Variants in ETFBKMT observed in about 807,000 individuals in gnomAD.
The protein encoded by ETFBKMT is electron transfer flavoprotein beta subunit lysine methyltransferase.
Under a neutral mutation model 18.3 loss-of-function variants are expected in ETFBKMT, and 13 were observed. That is an observed-to-expected ratio of 0.71 (90% CI 0.46 to 1.13). The LOEUF is 1.13. Ranked by LOEUF, ETFBKMT falls within the 50% of genes most tolerant of loss-of-function variation. The pLI is 0.00. For missense variants in ETFBKMT, 293 were observed against 306.2 expected (o/e 0.96, Z 0.32); for synonymous variants, 84 against 107.9 (o/e 0.78, Z 1.37).
At chr12:31,652,865 T>C (rs768006731) in intron 1 of ETFBKMT, among the ~76,000 whole-genome samples, 15 of 152,250 alleles carry the variant, frequency 9.9e-5, no homozygotes, top group Non-Finnish European at 1.5e-4. Context: ...GCTTTAAGCC[T>C]GAACTATTTA....
chr12:31,663,998 C>T (rs1009790852), intron 2 of ETFBKMT, among the ~76,000 whole-genome samples: 3 of 151,520 alleles, frequency 2.0e-5, no homozygotes, highest in African/African-American at 4.9e-5. Context: ...TGCTTACTCC[C>T]GTATCTCTTA....
Position 31,662,028 on chromosome 12 carries a change from T to C in ETFBKMT, c.75T>C (p.Gly25=). The C allele has an allele frequency of 6.2e-7, 1 of 1,614,212 alleles. No homozygotes were observed. The highest frequency in any genetic ancestry group is 8.5e-7 in the Non-Finnish European group (1 of 1,180,016). Reference sequence around the variant, plus strand: ...TCTTGCAGGCTCTGCGAAGCAGTGGTCTTCTCTTGTTTCCCTGTGGCCAGT... The same window carrying C: ...TCTTGCAGGCTCTGCGAAGCAGTGGCCTTCTCTTGTTTCCCTGTGGCCAGT... ...GLLLQALRSS[G]LLLFPCGQCP... The change falls in exon 2 of 4, where the codon GGT becomes GGC. Residue 25 remains glycine, a synonymous_variant. Coordinates refer to ENST00000357721, the MANE Select transcript of ETFBKMT (RefSeq NM_001135863.2).
In ETFBKMT at chr12:31,670,108, TC is replaced by T. The variant is rs1424060296; in HGVS notation, c.*2122del. On this transcript the variant is annotated 3_prime_UTR_variant, in exon 4 of 4. Transcript: ENST00000357721. The stretch of plus-strand genomic sequence containing the variant: ...CTCAGGTGATCCACCTGCCTCAGCC[TC>T]CCCAAGTGCTGGGATTACACGTGTG... The T allele has an allele frequency of 6.6e-6, 1 of 152,266 alleles. No individual in the cohort carries two copies. Among genetic ancestry groups the T allele is most frequent in the East Asian group, 1.9e-4 (1 of 5,200 alleles). 9.4% of individuals were successfully genotyped at this position (152,266 alleles called of 1,614,324 possible).
intron 2 of ETFBKMT, among the ~76,000 whole-genome samples, chr12:31,665,275 A>G (rs1318330396): frequency 6.6e-6 from 1 of 152,100 alleles, no homozygotes; most frequent in Non-Finnish European, 1.5e-5. Context: ...GAATAGCATA[A>G]TCAGTCAGTT....
chr12:31,664,803 C>T (rs776546783), intron 2 of ETFBKMT, among the ~76,000 whole-genome samples: 12 of 150,318 alleles, frequency 8.0e-5, no homozygotes, highest in East Asian at 4.0e-4. Context: ...TTAGTAGAGA[C>T]GGGGTTTCAC....
chr12:31,653,843 G>T (rs1951037507), intron 1 of ETFBKMT, among the ~76,000 whole-genome samples: 1 of 152,134 alleles, frequency 6.6e-6, no homozygotes, highest in Non-Finnish European at 1.5e-5. Context: ...AGCTATTGGG[G>T]AGGCTGAGGT....
At chr12:31,660,402 T>G (rs1951108224) in intron 1 of ETFBKMT, among the ~76,000 whole-genome samples, 1 of 152,154 alleles carries the variant, frequency 6.6e-6, no homozygotes, top group Non-Finnish European at 1.5e-5. Context: ...AATACTTTAG[T>G]GGATTTAAGA....
At chr12:31,649,478 T>C (rs1205337212) in intron 1 of ETFBKMT, among the ~76,000 whole-genome samples, 2 of 152,236 alleles carry the variant, frequency 1.3e-5, no homozygotes, top group Non-Finnish European at 2.9e-5. Context: ...AATTGAACGT[T>C]TGTGGTACCC....
At chr12:31,654,731 C>T (rs144007575), upstream of ETFBKMT, among the ~76,000 whole-genome samples, 33 of 152,156 alleles carry the variant, frequency 2.2e-4, no homozygotes, top group Non-Finnish European at 4.1e-4. Flanking sequence ...TAATCTGTAG[C>T]GACAGAAAGC....
Position 31,672,083 on chromosome 12 carries a change from A to ATTTTTGTATAT in ETFBKMT, c.*4094_*4095insTTTTGTATATT, listed in dbSNP as rs1157035163. On this transcript the variant is annotated 3_prime_UTR_variant, in exon 4 of 4. Coordinates refer to ENST00000357721, the MANE Select transcript of ETFBKMT (RefSeq NM_001135863.2). ...ATTATCATTTCAAAAATAATGACTC[A>ATTTTTGTATAT]TCCAACAGATATAGAATAATAGCAC... 12 of 433,382 alleles carry ATTTTTGTATAT rather than the reference A, an allele frequency of 2.8e-5. No homozygotes were observed. In the Admixed American group the frequency reaches 4.6e-4, roughly 16 times the overall value. The allele number at this position is 433,382 out of a possible 1,614,324, so 26.8% of individuals were successfully genotyped here.
intron 1 of ETFBKMT, among the ~76,000 whole-genome samples, chr12:31,651,850 A>C (rs565869671): frequency 6.6e-6 from 1 of 152,264 alleles, no homozygotes; most frequent in Admixed American, 6.5e-5. Flanking sequence ...AAGCAGCCCC[A>C]AATCATTTTC....
chr12:31,667,630 CTTTTT>C lies in ETFBKMT; in HGVS notation c.446-8_446-4del. The C allele has an allele frequency of 3.6e-6, 5 of 1,378,004 alleles. No individual in the cohort carries two copies. Among genetic ancestry groups the C allele is most frequent in the Non-Finnish European group, 5.0e-6 (5 of 1,001,406 alleles). The allele number at this position is 1,378,004 out of a possible 1,614,324, so 85.4% of individuals were successfully genotyped here. A position where few individuals can be genotyped will look rare whatever the true frequency, so the allele number is the denominator to read the frequency against. Reference sequence around the variant, plus strand: ...CTAGCATATACCAATTCATTTTGTGCTTTTTTTTTTTTTAAGTTGCAGGAATGGCT... The same window carrying C: ...CTAGCATATACCAATTCATTTTGTGCTTTTTTTTAAGTTGCAGGAATGGCT... On this transcript the variant is annotated splice_polypyrimidine_tract_variant and intron_variant, in intron 3 of 3. Coordinates refer to ENST00000357721, the MANE Select transcript of ETFBKMT (RefSeq NM_001135863.2).
intron 1 of ETFBKMT, among the ~76,000 whole-genome samples, chr12:31,648,706 G>T (rs554101902): frequency 1.3e-5 from 2 of 150,250 alleles, no homozygotes; most frequent in Non-Finnish European, 3.0e-5. Flanking sequence ...GGGCTACAGG[G>T]GCCCACCACC....
At position 31,668,214 on chromosome 12, in the gene ETFBKMT, CTAT is replaced by C. The variant is rs1951222939; in HGVS notation, c.*226_*228del. ...CACATCTCTATCTGCATTTTTTTTT[CTAT>C]TTTAACCGCTGAAGGAATATGATTA... On this transcript the variant is annotated 3_prime_UTR_variant, in exon 4 of 4. Coordinates refer to ENST00000357721, the MANE Select transcript of ETFBKMT (RefSeq NM_001135863.2). The C allele has an allele frequency of 2.2e-6, 1 of 457,856 alleles. No homozygotes were observed. The highest frequency in any genetic ancestry group is 3.8e-6 in the Non-Finnish European group (1 of 260,444). 28.4% of individuals were successfully genotyped at this position (457,856 alleles called of 1,614,324 possible).
chr12:31,656,738 C>T (rs77903941), upstream of ETFBKMT, among the ~76,000 whole-genome samples: 6,412 of 152,258 alleles, frequency 0.042, 445 homozygotes, highest in African/African-American at 0.15. Flanking sequence ...TTATTGTTTG[C>T]TTGGATTACC....
chr12:31,656,302 G>A (rs1267086399), upstream of ETFBKMT, among the ~76,000 whole-genome samples: 3 of 152,158 alleles, frequency 2.0e-5, no homozygotes, highest in East Asian at 5.8e-4. Context: ...AGTGAGGAGC[G>A]GTTAGCAGTG....
rs545476696 is a variant in ETFBKMT at position 31,663,083 on chromosome 12, T to C, written c.314+816T>C. 1.2e-4 allele frequency among the ~76,000 whole-genome samples: 18 copies of C among 151,742 alleles called. No homozygotes were observed. In the South Asian group the frequency reaches 3.5e-3, roughly 30 times the overall value. On this transcript the variant is annotated intron_variant, in intron 2 of 3. Coordinates refer to ENST00000357721, the MANE Select transcript of ETFBKMT (RefSeq NM_001135863.2). ...TAGGCAACATAGTGATACCCCTATC[T>C]CTACAAAAAAAAATTTTTTTTTTTT...
intron 2 of ETFBKMT, among the ~76,000 whole-genome samples, chr12:31,665,309 G>A (rs1334874967): frequency 1.3e-5 from 2 of 152,060 alleles, no homozygotes; most frequent in African/African-American, 2.4e-5. Flanking sequence ...CTTCACACCT[G>A]CTGAAGAGAA....
At chr12:31,649,219 A>G (rs924985060) in intron 1 of ETFBKMT, among the ~76,000 whole-genome samples, 4 of 152,360 alleles carry the variant, frequency 2.6e-5, no homozygotes, top group Non-Finnish European at 5.9e-5. Flanking sequence ...AAGTCTATAC[A>G]TGCTGTTCAG....
Sources: allele counts gnomAD v4.1 joint callset (sites outside exome capture counted in the v4.1 genomes callset), GRCh38; gene constraint gnomAD v4.1.1; transcripts MANE v1.5; gene names NCBI Gene and HGNC (gene_info 2026-07-23, HGNC 2026-07-21).